Variants in TUBA4B observed in about 807,000 individuals in gnomAD.
TUBA4B encodes tubulin-like protein alpha-4B.
Under a neutral mutation model 18.4 loss-of-function variants are expected in TUBA4B, and 13 were observed. The ratio of observed to expected loss-of-function variants is 0.71; its 90% CI spans 0.46 to 1.12. The LOEUF is 1.12. TUBA4B is among the 50% of genes most tolerant of loss of function. TUBA4B has a pLI of 0.00. For missense variants in TUBA4B, 244 were observed against 250.0 expected, an observed-to-expected ratio of 0.98 and a Z score of 0.16; for synonymous variants, 101 against 99.1, an observed-to-expected ratio of 1.02 and a Z score of -0.11.
At chr2:219,253,907 A>G in intron 1 of TUBA4B, 1 of 1,389,916 alleles carries the variant, frequency 7.2e-7, no homozygotes, top group Non-Finnish European at 9.4e-7. Context: ...GACAGGTCTC[A>G]GTGAGAACTG....
At chr2:219,263,351 G>C (rs985555652) in intron 1 of TUBA4B, among the ~76,000 whole-genome samples, 1 of 152,066 alleles carries the variant, frequency 6.6e-6, no homozygotes, top group African/African-American at 2.4e-5. Context: ...AAATTAGCGG[G>C]GTGTGTTGGT....
At chr2:219,253,884 G>C in intron 1 of TUBA4B, 1 of 1,437,864 alleles carries the variant, frequency 7.0e-7, no homozygotes, top group Non-Finnish European at 9.1e-7. Context: ...TGCGTCTCAC[G>C]TTGAGTCGGG....
intron 1 of TUBA4B, among the ~76,000 whole-genome samples, chr2:219,260,329 T>C (rs1243075098): frequency 1.3e-5 from 2 of 152,178 alleles, no homozygotes; most frequent in African/African-American, 2.4e-5. Context: ...TATTGTAACA[T>C]TTTTGGAATT....
At position 219,271,320 on chromosome 2, in the gene TUBA4B, T is replaced by A. The variant is rs2125078292; in HGVS notation, c.347T>A (p.Val116Glu). ...LGFSIYPAPQ[V>E]STAMVQPYNS... ...TTCTCCATCTACCCAGCCCCCCAGGTGTCTACAGCCATGGTCCAGCCCTAC... is the reference window on the plus strand; with the variant it reads ...TTCTCCATCTACCCAGCCCCCCAGGAGTCTACAGCCATGGTCCAGCCCTAC... Residue 116 changes from valine to glutamate, a missense_variant, in exon 4 of 4, where the codon GTG becomes GAG. By Grantham distance (121) the Val-to-Glu change is moderately radical. Transcript: ENST00000490341. The A allele has an allele frequency of 6.2e-7, 1 of 1,603,976 alleles. No individual in the cohort carries two copies. The highest frequency in any genetic ancestry group is 8.5e-7 in the Non-Finnish European group (1 of 1,170,822).
At position 219,261,943 on chromosome 2, in the gene TUBA4B, A is replaced by T. The variant is rs554729016; in HGVS notation, c.13-4578A>T. Among the ~76,000 whole-genome samples the T allele has an allele frequency of 2.6e-5, 4 of 152,210 alleles. 1 individual carries two copies. The South Asian group carries it at 8.3e-4, about 32-fold the overall frequency. ...TTCCTACCTATGATTGTTTGCACTT[A>T]TTATTCTGTCTGTCTGGAGAACTGG... On this transcript the variant is annotated intron_variant, in intron 1 of 3. Coordinates refer to ENST00000490341, the MANE Select transcript of TUBA4B (RefSeq NM_001355221.1).
intron 2 of TUBA4B, among the ~76,000 whole-genome samples, chr2:219,267,993 G>C (rs184985036): frequency 1.3e-5 from 2 of 152,246 alleles, no homozygotes; most frequent in African/African-American, 4.8e-5. Flanking sequence ...GGACAGAACT[G>C]GCTGGTCAGG....
intron 1 of TUBA4B, among the ~76,000 whole-genome samples, chr2:219,262,032 C>T (rs1482842966): frequency 6.6e-6 from 1 of 152,222 alleles, no homozygotes; most frequent in Non-Finnish European, 1.5e-5. Flanking sequence ...CACCTTCTGG[C>T]CGGGTGTAGT....
intron 1 of TUBA4B, among the ~76,000 whole-genome samples, chr2:219,255,052 C>T (rs1951706246): frequency 6.6e-6 from 1 of 152,000 alleles, no homozygotes; most frequent in African/African-American, 2.4e-5. Context: ...CTCTTTCTCT[C>T]TCTCTCTCTC....
At chr2:219,265,187 A>G (rs1951782887) in intron 1 of TUBA4B, among the ~76,000 whole-genome samples, 1 of 152,168 alleles carries the variant, frequency 6.6e-6, no homozygotes, top group South Asian at 2.1e-4. Flanking sequence ...TCCCAGATAA[A>G]TCTTAATTCC....
chr2:219,264,052 C>T (rs914140995), intron 1 of TUBA4B, among the ~76,000 whole-genome samples: 10 of 152,196 alleles, frequency 6.6e-5, no homozygotes, highest in Non-Finnish European at 1.0e-4. Flanking sequence ...TGTTGTAGGG[C>T]CCCCAGCGGA....
At chr2:219,265,443 C>T (rs1050186445) in intron 1 of TUBA4B, among the ~76,000 whole-genome samples, 3 of 152,118 alleles carry the variant, frequency 2.0e-5, no homozygotes, top group African/African-American at 7.2e-5. Context: ...TTGAGACCAG[C>T]CTGGCCAACA....
In TUBA4B at chr2:219,271,911, A is replaced by G. The variant is rs1574895730; in HGVS notation, c.*212A>G. On this transcript the variant is annotated 3_prime_UTR_variant, in exon 4 of 4. Coordinates refer to ENST00000490341, the MANE Select transcript of TUBA4B (RefSeq NM_001355221.1). ...GTGACCTGGTAAAGTGCAACGTGCC[A>G]TGTGCATGCTGAGCAACATGACAGC... 1 of 1,439,758 alleles carries G rather than the reference A, an allele frequency of 6.9e-7. No homozygotes were observed. Among genetic ancestry groups the G allele is most frequent in the Non-Finnish European group, 9.8e-7 (1 of 1,021,492 alleles). The allele number at this position is 1,439,758 out of a possible 1,614,324, so 89.2% of individuals were successfully genotyped here. A position where few individuals can be genotyped will look rare whatever the true frequency, so the allele number is the denominator to read the frequency against.
intron 1 of TUBA4B, 24 bp downstream of exon 1, chr2:219,253,443 T>C: frequency 6.7e-7 from 1 of 1,486,282 alleles, no homozygotes; most frequent in South Asian, 1.2e-5. Flanking sequence ...TTCCACCTTC[T>C]AGCGCCAAGC....
In TUBA4B at chr2:219,258,140, C is replaced by T. The variant is rs577453515; in HGVS notation, c.12+4721C>T. On this transcript the variant is annotated intron_variant, in intron 1 of 3. Transcript: ENST00000490341. ...TCCCGAGTAGCTGGGATTACAGGTG[C>T]ACAGCATGCCTGGCTAATTTTTGTA... 1.2e-4 allele frequency among the ~76,000 whole-genome samples: 18 copies of T among 151,694 alleles called. No homozygotes were observed. The East Asian group carries it at 2.5e-3, about 21-fold the overall frequency.
intron 1 of TUBA4B, among the ~76,000 whole-genome samples, chr2:219,259,275 C>T (rs933274346): frequency 5.4e-5 from 8 of 147,450 alleles, no homozygotes; most frequent in Admixed American, 1.4e-4. Context: ...GCCGAGAATG[C>T]GCCACTGCAC....
chr2:219,270,053 C>G, intron 2 of TUBA4B, 149 bp from the exon 3 acceptor site: 1 of 611,628 alleles, frequency 1.6e-6, no homozygotes, highest in Non-Finnish European at 2.9e-6. Flanking sequence ...GCAGCACAAA[C>G]ACATCCAAGC....
intron 1 of TUBA4B, among the ~76,000 whole-genome samples, chr2:219,259,057 C>G (rs1187506385): frequency 6.6e-6 from 1 of 151,610 alleles, no homozygotes; most frequent in Non-Finnish European, 1.5e-5. Flanking sequence ...CCGAGGCAGG[C>G]GGATTGTGAG....
At chr2:219,258,343 C>A (rs1219786033) in intron 1 of TUBA4B, among the ~76,000 whole-genome samples, 1 of 151,532 alleles carries the variant, frequency 6.6e-6, no homozygotes, top group East Asian at 1.9e-4. Flanking sequence ...TTGTTTGACA[C>A]AAGGTCTGGC....
chr2:219,257,340 C>CTTTTTT, intron 1 of TUBA4B, among the ~76,000 whole-genome samples: 1 of 92,636 alleles, frequency 1.1e-5, no homozygotes, highest in Non-Finnish European at 2.1e-5. Context: ...TGCGCCCAGC[C>CTTTTTT]TTTTTTTTTT....
Sources: gnomAD v4.1 joint callset for allele counts (sites outside exome capture counted in the v4.1 genomes callset) on GRCh38, gnomAD v4.1.1 for gene constraint, MANE v1.5 for transcripts, NCBI Gene and HGNC (gene_info 2026-07-23, HGNC 2026-07-21) for gene names.